The following CDH18 variants were observed in gnomAD, a reference collection of about 807,000 sequenced individuals.
The protein encoded by CDH18 is cadherin-18.
Under a neutral mutation model 67.9 loss-of-function variants are expected in CDH18, and 31 were observed. The observed-to-expected ratio is 0.46, with a 90% CI of 0.34 to 0.62. CDH18 has a LOEUF of 0.62. Among genes scored for constraint, CDH18 ranks in the 20% least tolerant of loss-of-function variants. CDH18 has a pLI of 0.01. For synonymous variants in CDH18, 362 were observed against 347.2 expected, an observed-to-expected ratio of 1.04 and a Z score of -0.48; for missense variants, 890 against 975.5, an observed-to-expected ratio of 0.91 and a Z score of 1.17.
chr5:19,533,710 C>A (rs1440838501), intron 9 of CDH18, among the ~76,000 whole-genome samples: 1 of 152,006 alleles, frequency 6.6e-6, no homozygotes, highest in African/African-American at 2.4e-5. Flanking sequence ...TGGCCAGAGA[C>A]TTGGCATGGA....
chr5:20,102,385 A>T (rs550052929), intron 2 of CDH18, among the ~76,000 whole-genome samples: 1 of 152,208 alleles, frequency 6.6e-6, no homozygotes, highest in African/African-American at 2.4e-5. Context: ...TTGATTTCTA[A>T]GAGTCTTCCA....
At chr5:19,768,116 A>T (rs1358036018) in intron 3 of CDH18, among the ~76,000 whole-genome samples, 2 of 152,068 alleles carry the variant, frequency 1.3e-5, no homozygotes, top group Admixed American at 1.3e-4. Flanking sequence ...CTAAAATTCT[A>T]ATTATGTGAA....
chr5:20,265,584 T>C lies in CDH18; in HGVS notation c.-579-10079A>G, dbSNP rs367959634. Among the ~76,000 whole-genome samples the C allele has an allele frequency of 9.4e-5, 14 of 149,392 alleles. No homozygotes were observed. The East Asian group carries it at 1.8e-3, about 19-fold the overall frequency. On this transcript the variant is annotated intron_variant, in intron 1 of 14. Coordinates refer to the CDH18 transcript ENST00000507958. Reference sequence around the variant, plus strand: ...GACCAAGACTGAAGGAGTATCAAAATAAAAAAAAAATTACATTTATTTTCA... The same window carrying C: ...GACCAAGACTGAAGGAGTATCAAAACAAAAAAAAAATTACATTTATTTTCA...
intron 3 of CDH18, among the ~76,000 whole-genome samples, chr5:19,794,490 C>T (rs922793100): frequency 8.5e-5 from 13 of 152,172 alleles, no homozygotes; most frequent in African/African-American, 2.9e-4. Context: ...AATGTTGAGA[C>T]AGAAGATAAT....
intron 2 of CDH18, among the ~76,000 whole-genome samples, chr5:20,021,246 G>A (rs1361204062): frequency 1.3e-5 from 2 of 152,062 alleles, no homozygotes; most frequent in Non-Finnish European, 2.9e-5. Flanking sequence ...TGTCTCATAG[G>A]TGTAAGGGAC....
chr5:19,866,122 C>T (rs1196770034), intron 2 of CDH18, among the ~76,000 whole-genome samples: 3 of 152,206 alleles, frequency 2.0e-5, no homozygotes, highest in Admixed American at 6.5e-5. Context: ...ACCAATATTG[C>T]TTCTGAAAAC....
In CDH18 at chr5:19,593,707, C is replaced by CCTCCTTCTTTTTCTTCTTCTTCTT; in HGVS notation, c.812-2464_812-2463insAAGAAGAAGAAGAAAAAGAAGGAG. ...TCCTTCTCTTCCTCTTCCTCCTCCT[C>CCTCCTTCTTTTTCTTCTTCTTCTT]CTTCTTCTTCTTCTTCTTCTTCTTC... On this transcript the variant is annotated intron_variant, in intron 6 of 12. Coordinates refer to ENST00000382275, the MANE Select transcript of CDH18 (RefSeq NM_004934.5). Among the ~76,000 whole-genome samples the CCTCCTTCTTTTTCTTCTTCTTCTT allele has an allele frequency of 3.9e-4, 13 of 33,384 alleles. 2 individuals are homozygous for CCTCCTTCTTTTTCTTCTTCTTCTT. The highest frequency in any genetic ancestry group is 1.2e-3 in the African/African-American group (10 of 8,594). The allele number at this position is 33,384 out of a possible 152,430, so 21.9% of individuals were successfully genotyped here. A position where few individuals can be genotyped will look rare whatever the true frequency, so the allele number is the denominator to read the frequency against.
chr5:19,671,732 G>A (rs1308292170), intron 5 of CDH18, among the ~76,000 whole-genome samples: 1 of 152,024 alleles, frequency 6.6e-6, no homozygotes, highest in African/African-American at 2.4e-5. Context: ...ATACAATCTA[G>A]GAAAGAGAGT....
In CDH18 at chr5:20,334,131, C is replaced by CTTTTTTTTTTTTTT. The variant is rs34609844; in HGVS notation, c.-579-78640_-579-78627dup. On this transcript the variant is annotated intron_variant, in intron 1 of 14. Coordinates refer to the CDH18 transcript ENST00000507958. The stretch of plus-strand genomic sequence containing the variant: ...TAAATGTATAAATCTGACTTGAATT[C>CTTTTTTTTTTTTTT]TTTTTTTTTTTTTTTTTTTTTGAGA... 1.8e-4 allele frequency among the ~76,000 whole-genome samples: 15 copies of CTTTTTTTTTTTTTT among 81,638 alleles called. 2 individuals carry two copies. The East Asian group carries it at 2.6e-3, about 14-fold the overall frequency. 53.6% of individuals were successfully genotyped at this position (81,638 alleles called of 152,430 possible).
chr5:19,853,891 G>A (rs2149940418), intron 2 of CDH18, among the ~76,000 whole-genome samples: 1 of 152,204 alleles, frequency 6.6e-6, no homozygotes, highest in South Asian at 2.1e-4. Flanking sequence ...GGTGGATCGT[G>A]GGAGAACTCC....
At chr5:20,377,020 A>C (rs1322326912) in intron 1 of CDH18, among the ~76,000 whole-genome samples, 1 of 100,756 alleles carries the variant, frequency 9.9e-6, no homozygotes, top group Non-Finnish European at 2.2e-5. Flanking sequence ...TCCGTCTCAA[A>C]AAAAAAAAAA....
Position 20,257,366 on chromosome 5 carries a change from T to G in CDH18, c.-579-1861A>C, listed in dbSNP as rs181821261. Among the ~76,000 whole-genome samples the G allele has an allele frequency of 7.2e-4, 109 of 152,226 alleles. 1 individual carries two copies. Among genetic ancestry groups the G allele is most frequent in the African/African-American group, 2.5e-3 (102 of 41,582 alleles). Reference sequence around the variant, plus strand: ...ATATTCTACTCTATGGAAAATCATGTGTAAGCATGTGGGGACCTATTTATA... The same window carrying G: ...ATATTCTACTCTATGGAAAATCATGGGTAAGCATGTGGGGACCTATTTATA... On this transcript the variant is annotated intron_variant, in intron 1 of 14. Transcript: ENST00000507958.
At chr5:20,062,340 C>T (rs945436859) in intron 2 of CDH18, among the ~76,000 whole-genome samples, 1 of 151,674 alleles carries the variant, frequency 6.6e-6, no homozygotes, top group Admixed American at 6.6e-5. Context: ...TTTTAGCAGA[C>T]ATGGGGTTTC....
At chr5:19,873,721 C>G (rs1174773360) in intron 2 of CDH18, among the ~76,000 whole-genome samples, 1 of 152,014 alleles carries the variant, frequency 6.6e-6, no homozygotes, top group Non-Finnish European at 1.5e-5. Flanking sequence ...GATCTTGGCT[C>G]ACTGCAACCT....
At chr5:19,531,418 C>G (rs1046561353) in intron 9 of CDH18, among the ~76,000 whole-genome samples, 1 of 152,072 alleles carries the variant, frequency 6.6e-6, no homozygotes, top group Non-Finnish European at 1.5e-5. Flanking sequence ...TCACTACATA[C>G]TTATTAGAAT....
chr5:19,593,462 T>A (rs2150034768), intron 6 of CDH18, among the ~76,000 whole-genome samples: 1 of 152,250 alleles, frequency 6.6e-6, no homozygotes, highest in African/African-American at 2.4e-5. Context: ...CATTTGTATG[T>A]GTTCTTTAGA....
chr5:19,523,053 GTGA>G (rs1378925941), intron 9 of CDH18, among the ~76,000 whole-genome samples: 2 of 151,920 alleles, frequency 1.3e-5, no homozygotes, highest in Admixed American at 1.3e-4. Flanking sequence ...TTAATATATG[GTGA>G]TGATGGCATT....
intron 2 of CDH18, among the ~76,000 whole-genome samples, chr5:19,993,930 G>A (rs757306244): frequency 1.3e-5 from 2 of 152,034 alleles, no homozygotes; most frequent in Admixed American, 6.6e-5. Context: ...ATTATGCCAC[G>A]CTTCCTCTAA....
intron 1 of CDH18, among the ~76,000 whole-genome samples, chr5:20,315,331 C>T (rs539359992): frequency 3.0e-4 from 45 of 152,150 alleles, no homozygotes; most frequent in African/African-American, 1.1e-3. Flanking sequence ...TTTGCAATAG[C>T]CTCCTAATTG....
Sources: gnomAD v4.1 joint callset for allele counts (sites outside exome capture counted in the v4.1 genomes callset) on GRCh38, gnomAD v4.1.1 for gene constraint, MANE v1.5 for transcripts, NCBI Gene and HGNC (gene_info 2026-07-23, HGNC 2026-07-21) for gene names.